WDFY4: variants seen among roughly 807,000 people sequenced by gnomAD.
WDFY4 encodes WD repeat- and FYVE domain-containing protein 4.
In WDFY4, 169 loss-of-function variants were observed where a neutral mutation model predicts 351.9. The ratio of observed to expected loss-of-function variants is 0.48; its 90% CI spans 0.42 to 0.55. The LOEUF (loss-of-function observed/expected upper bound fraction) is 0.55, where lower values mean the gene tolerates loss of function less well. Ranked by LOEUF, WDFY4 falls within the 20% of genes least tolerant of loss-of-function variation. The pLI is 0.00. For synonymous variants in WDFY4, 1,622 were observed against 1,574.6 expected (o/e 1.03, Z -0.71); for missense variants, 3,803 against 3,935.6 (o/e 0.97, Z 0.90).
chr10:48,760,919 G>A (rs1309682653), intron 13 of WDFY4, among the ~76,000 whole-genome samples: 3 of 152,188 alleles, frequency 2.0e-5, no homozygotes, highest in African/African-American at 7.2e-5. Context: ...GGATGAGGAG[G>A]TAGTGACAGT....
At chr10:48,796,147 A>G in intron 23 of WDFY4, 151 bp from the exon 24 acceptor site, 1 of 905,826 alleles carries the variant, frequency 1.1e-6, no homozygotes, top group Non-Finnish European at 1.6e-6. Context: ...TGGCCACAGA[A>G]GTTGATGTGT....
intron 51 of WDFY4, among the ~76,000 whole-genome samples, chr10:48,952,466 A>G (rs1841374886): frequency 6.6e-6 from 1 of 152,188 alleles, no homozygotes; most frequent in Non-Finnish European, 1.5e-5. Flanking sequence ...AGACTTGAGG[A>G]GTATTGGAAA....
intron 37 of WDFY4, 27 bp downstream of exon 37, chr10:48,828,923 T>G: frequency 1.0e-3 from 5 of 5,022 alleles, no homozygotes; most frequent in Non-Finnish European, 1.4e-3. Context: ...ATTGTGTGTG[T>G]GGGCGGGGGG....
In WDFY4 at chr10:48,823,354, A is replaced by C. The variant is rs560486315; in HGVS notation, c.5982+817A>C. On this transcript the variant is annotated intron_variant, in intron 35 of 61. Transcript: ENST00000325239. ...ATCAAGCTGGGATCTACCTCCAGCA[A>C]CTCCTGCCAGCAGTCCTGGTTATGC... 1.7e-4 allele frequency: 216 copies of C among 1,266,256 alleles called. 4 individuals are homozygous for C. The South Asian group carries it at 2.6e-3, about 15-fold the overall frequency. 78.4% of individuals were successfully genotyped at this position (1,266,256 alleles called of 1,614,324 possible). A position where few individuals can be genotyped will look rare whatever the true frequency, so the allele number is the denominator to read the frequency against.
intron 47 of WDFY4, among the ~76,000 whole-genome samples, chr10:48,918,113 T>C (rs1169470256): frequency 1.3e-5 from 2 of 152,010 alleles, no homozygotes; most frequent in African/African-American, 4.8e-5. Flanking sequence ...AAAAACTAAA[T>C]ATATAAATGA....
intron 57 of WDFY4, 94 bp downstream of exon 57, chr10:48,970,383 TG>T: frequency 6.8e-7 from 1 of 1,476,174 alleles, no homozygotes; most frequent in Non-Finnish European, 9.0e-7. Flanking sequence ...TGGGCAGGTG[TG>T]GTGCCGGAAC....
intron 47 of WDFY4, among the ~76,000 whole-genome samples, chr10:48,938,513 C>T (rs1840545488): frequency 6.6e-6 from 1 of 152,226 alleles, no homozygotes. Flanking sequence ...TGGAACATGC[C>T]TCTGGCTCCT....
chr10:48,911,231 A>T (rs1837973072), intron 47 of WDFY4, among the ~76,000 whole-genome samples: 1 of 152,170 alleles, frequency 6.6e-6, no homozygotes, highest in Non-Finnish European at 1.5e-5. Flanking sequence ...GGTTCTCATG[A>T]GTCATTTCAG....
chr10:48,977,881 C>A (rs1024784663), intron 59 of WDFY4, among the ~76,000 whole-genome samples: 1 of 152,156 alleles, frequency 6.6e-6, no homozygotes, highest in Non-Finnish European at 1.5e-5. Context: ...CCTCAGGGCT[C>A]CCACAGTAGG....
intron 47 of WDFY4, among the ~76,000 whole-genome samples, chr10:48,918,128 A>G (rs1180242737): frequency 6.6e-6 from 1 of 152,224 alleles, no homozygotes; most frequent in Non-Finnish European, 1.5e-5. Context: ...AAATGAGAAT[A>G]AAACAGTTTA....
chr10:48,715,275 T>A (rs953680547), intron 2 of WDFY4, among the ~76,000 whole-genome samples: 1 of 147,862 alleles, frequency 6.8e-6, no homozygotes, highest in Non-Finnish European at 1.5e-5. Flanking sequence ...TGCAGATCCA[T>A]GAGCAAAATA....
At chr10:48,754,463 CCTT>C (rs2065273721) in intron 12 of WDFY4, among the ~76,000 whole-genome samples, 1 of 151,836 alleles carries the variant, frequency 6.6e-6, no homozygotes, top group African/African-American at 2.4e-5. Context: ...AAATTACTCT[CCTT>C]CTGCATACAA....
chr10:48,819,423 C>T (rs1413638799), intron 32 of WDFY4, among the ~76,000 whole-genome samples: 8 of 152,144 alleles, frequency 5.3e-5, no homozygotes, highest in African/African-American at 1.4e-4. Context: ...CCCTAGGTGC[C>T]ATTAAATTCA....
chr10:48,910,115 G>A (rs377008312), intron 47 of WDFY4: 9 of 927,580 alleles, frequency 9.7e-6, no homozygotes, highest in East Asian at 7.3e-5. Context: ...GGCCAGCTCC[G>A]GCGAGCCTGG....
chr10:48,814,185 A>G (rs1438028384), intron 31 of WDFY4, 103 bp downstream of exon 31: 15 of 1,390,984 alleles, frequency 1.1e-5, no homozygotes, highest in Non-Finnish European at 1.3e-5. Context: ...CACTAATGCA[A>G]GTAATTAGCC....
intron 47 of WDFY4, chr10:48,910,957 A>G (rs770754445): frequency 1.5e-5 from 15 of 971,638 alleles, no homozygotes; most frequent in South Asian, 4.8e-5. Flanking sequence ...AGGAGGGAAA[A>G]TTAATTCTAA....
At chr10:48,839,579 GA>G (rs200102917) in intron 39 of WDFY4, among the ~76,000 whole-genome samples, 1,626 of 151,468 alleles carry the variant, frequency 0.011, 28 homozygotes, top group African/African-American at 0.038. Flanking sequence ...GGCATGGCAG[GA>G]AAGCAGAAAG....
chr10:48,807,851 T>C lies in WDFY4; in HGVS notation c.4739-8T>C. 1 of 1,551,588 alleles carries C rather than the reference T, an allele frequency of 6.4e-7. No homozygotes were observed. The highest frequency in any genetic ancestry group is 2.4e-5 in the East Asian group (1 of 40,902). ...CATTTTCTCTCAAATCTGAATTCTT[T>C]TTTGTAGCTGGAAGCCAAACATCTG... On this transcript the variant is annotated splice_region_variant and splice_polypyrimidine_tract_variant and intron_variant, in intron 27 of 61. Transcript: ENST00000325239.
intron 52 of WDFY4, 82 bp from the exon 53 acceptor site, chr10:48,959,640 C>G: frequency 7.8e-7 from 1 of 1,289,016 alleles, no homozygotes; most frequent in Non-Finnish European, 1.1e-6. Flanking sequence ...ATCAGCAATC[C>G]TGGGCAATGT....
Sources: allele counts gnomAD v4.1 joint callset (sites outside exome capture counted in the v4.1 genomes callset), GRCh38; gene constraint gnomAD v4.1.1; transcripts MANE v1.5; gene names NCBI Gene and HGNC (gene_info 2026-07-23, HGNC 2026-07-21).